The following PRDM2 variants were observed in gnomAD, a reference collection of about 807,000 sequenced individuals.
The protein encoded by PRDM2 is PR domain zinc finger protein 2.
A neutral mutation model predicts 130.0 loss-of-function variants in PRDM2; 30 were observed. That is an observed-to-expected ratio of 0.23 (90% CI 0.17 to 0.31). PRDM2 has a LOEUF of 0.31. Among genes scored for constraint, PRDM2 ranks in the 10% least tolerant of loss-of-function variants. The pLI is 1.00. For missense variants in PRDM2, 2,011 were observed against 2,108.4 expected (o/e 0.95, Z 0.90); for synonymous variants, 871 against 782.4 (o/e 1.11, Z -1.89).
intron 5 of PRDM2, among the ~76,000 whole-genome samples, chr1:13,742,796 G>A (rs2100510562): frequency 6.6e-6 from 1 of 152,314 alleles, no homozygotes; most frequent in East Asian, 1.9e-4. Context: ...CTATCAGTAG[G>A]TATGGTGGGT....
At position 13,753,082 on chromosome 1, in the gene PRDM2, A is replaced by G. The variant is rs75110467; in HGVS notation, c.511+3595A>G. 7.8e-3 allele frequency among the ~76,000 whole-genome samples: 1,193 copies of G among 152,314 alleles called. 13 individuals carry two copies. The highest frequency in any genetic ancestry group is 0.028 in the African/African-American group (1,149 of 41,554). ...GGAGCACCTGTGTAAGCCCAAAATA[A>G]GCACTGGGTCTCTTCTTTCCCTCTT... On this transcript the variant is annotated intron_variant, in intron 6 of 9. Coordinates refer to ENST00000311066, the MANE Select transcript of PRDM2 (RefSeq NM_001393986.1).
rs1264797818 is a variant in PRDM2 at position 13,804,664 on chromosome 1, GAC to G, written c.5037-11760_5037-11759del. The stretch of plus-strand genomic sequence containing the variant: ...AGGATCTAGACCAGTGGCCTGCAAA[GAC>G]ACCTTTTAAAATTCCCAATGCCTGG... On this transcript the variant is annotated intron_variant, in intron 8 of 9. Transcript: ENST00000311066. Among the ~76,000 whole-genome samples the G allele has an allele frequency of 6.6e-5, 10 of 152,292 alleles. No individual in the cohort carries two copies. In the East Asian group the frequency reaches 1.9e-3, roughly 29 times the overall value.
intron 2 of PRDM2, 22 bp from the exon 3 acceptor site, chr1:13,730,978 C>T (rs1267149199): frequency 2.0e-6 from 3 of 1,495,584 alleles, no homozygotes; most frequent in African/African-American, 2.9e-5. Context: ...TTGCTGTGAT[C>T]CTTCCATTTC....
chr1:13,794,362 C>T (rs905634319), intron 8 of PRDM2, among the ~76,000 whole-genome samples: 8 of 152,214 alleles, frequency 5.3e-5, no homozygotes, highest in East Asian at 1.9e-4. Flanking sequence ...TGTTTGTTTA[C>T]TCTATGTCTC....
chr1:13,713,414 T>C (rs1642432206), intron 1 of PRDM2, among the ~76,000 whole-genome samples: 2 of 152,140 alleles, frequency 1.3e-5, no homozygotes, highest in African/African-American at 4.8e-5. Flanking sequence ...CTCTTGTTAA[T>C]TGAGGATACC....
At chr1:13,716,590 G>A (rs1642549344) in intron 2 of PRDM2, among the ~76,000 whole-genome samples, 1 of 152,146 alleles carries the variant, frequency 6.6e-6, no homozygotes, top group South Asian at 2.1e-4. Flanking sequence ...AATGTAAGAT[G>A]TGTTTCTCTT....
chr1:13,705,904 C>T (rs2100381446), intron 1 of PRDM2, among the ~76,000 whole-genome samples: 1 of 150,704 alleles, frequency 6.6e-6, no homozygotes, highest in East Asian at 2.0e-4. Context: ...ATCGCTTGAA[C>T]CTGGGAGGCG....
chr1:13,744,850 A>G (rs763485134), intron 5 of PRDM2, among the ~76,000 whole-genome samples: 2 of 152,182 alleles, frequency 1.3e-5, no homozygotes, highest in Non-Finnish European at 2.9e-5. Flanking sequence ...ATCTAACTCT[A>G]TTCTTCTAGA....
At chr1:13,768,900 TATTCTC>T (rs1644294983) in intron 6 of PRDM2, 1 of 153,792 alleles carries the variant, frequency 6.5e-6, no homozygotes, top group African/African-American at 2.4e-5. Flanking sequence ...ACATTGGTCT[TATTCTC>T]AGCAACTAAG....
intron 8 of PRDM2, among the ~76,000 whole-genome samples, chr1:13,797,995 C>G (rs1644948410): frequency 6.6e-6 from 1 of 152,114 alleles, no homozygotes; most frequent in African/African-American, 2.4e-5. Context: ...AGAACACTTT[C>G]AATTATGTTT....
Position 13,780,164 on chromosome 1 carries a change from A to G in PRDM2, c.2369A>G (p.Asp790Gly). 6.2e-7 allele frequency: 1 copy of G among 1,602,260 alleles called. No individual in the cohort carries two copies. The highest frequency in any genetic ancestry group is 8.5e-7 in the Non-Finnish European group (1 of 1,173,442). Residue 790 changes from aspartate to glycine, a missense_variant, in exon 8 of 10, where the codon GAT (aspartate) becomes GGT (glycine). Physicochemically the swap from Asp to Gly is moderately conservative, Grantham distance 94. Around this residue, in one of 5 missense-constraint regions of PRDM2, gnomAD observed 1,288 missense variants for 1,237.7 expected, o/e 1.04. Coordinates refer to ENST00000311066, the MANE Select transcript of PRDM2 (RefSeq NM_001393986.1). Reference protein sequence around the residue: ...DSPAWSLSGRDERETVSPPCF... With the variant: ...DSPAWSLSGRGERETVSPPCF... ...CCAGCATGGAGTTTGTCTGGGAGAG[A>G]TGAGAGAGAAACTGTGAGCCCTCCA...
chr1:13,736,181 A>G (rs1256457311), intron 4 of PRDM2, among the ~76,000 whole-genome samples: 10 of 148,240 alleles, frequency 6.7e-5, no homozygotes, highest in Non-Finnish European at 5.9e-5. Flanking sequence ...TGGCATGTTC[A>G]CAGCTCATCC....
intron 6 of PRDM2, among the ~76,000 whole-genome samples, chr1:13,757,778 C>CT (rs34501705): frequency 0.03 from 3,187 of 105,834 alleles, 42 homozygotes; most frequent in African/African-American, 0.043. Context: ...AGGTGGATAG[C>CT]TTTTTTTTTT....
chr1:13,801,965 C>A (rs1193094361), intron 8 of PRDM2, among the ~76,000 whole-genome samples: 1 of 152,164 alleles, frequency 6.6e-6, no homozygotes, highest in African/African-American at 2.4e-5. Flanking sequence ...GGCCAGACAG[C>A]CAGGATCAGA....
At chr1:13,777,373 A>G (rs1419339786) in intron 7 of PRDM2, among the ~76,000 whole-genome samples, 1 of 151,892 alleles carries the variant, frequency 6.6e-6, no homozygotes, top group East Asian at 1.9e-4. Context: ...ATTCTCTTGA[A>G]TACAAGTCAG....
intron 6 of PRDM2, among the ~76,000 whole-genome samples, chr1:13,755,494 T>G (rs1263230196): frequency 6.6e-6 from 1 of 152,248 alleles, no homozygotes; most frequent in Non-Finnish European, 1.5e-5. Context: ...TTCTAAACTA[T>G]ATAAAAGAGG....
chr1:13,803,270 G>T lies in PRDM2; in HGVS notation c.5037-13157G>T, dbSNP rs1181505659. ...GCATGGACAGGCACATTTCAGGGTT[G>T]AACCGCACCAGGAGCCTGGCTTTGC... On this transcript the variant is annotated intron_variant, in intron 8 of 9. Coordinates refer to ENST00000311066, the MANE Select transcript of PRDM2 (RefSeq NM_001393986.1). This position sits in a 1 kb window ranked among gnomAD's most constrained non-coding sequence, Gnocchi z 6.2. 6.6e-6 allele frequency among the ~76,000 whole-genome samples: 1 copy of T among 152,224 alleles called. No homozygotes were observed. The highest frequency in any genetic ancestry group is 2.4e-5 in the African/African-American group (1 of 41,460).
chr1:13,776,121 T>G (rs543024605), intron 7 of PRDM2, among the ~76,000 whole-genome samples: 11 of 152,144 alleles, frequency 7.2e-5, no homozygotes, highest in Non-Finnish European at 1.5e-4. Context: ...CCACACTCAC[T>G]TCCATAAACA....
rs1057066607 is a variant in PRDM2 at position 13,816,355 on chromosome 1, GC to G, written c.5037-65del. 2.0e-5 allele frequency: 32 copies of G among 1,571,658 alleles called. 1 individual carries two copies. Among genetic ancestry groups the G allele is most frequent in the Admixed American group, 5.1e-5 (3 of 58,302 alleles). ...GGAAGTGGTGACCAGCACTAAGGAA[GC>G]CCCCCCAGCAATGTCTAGGGCACCG... is the stretch of plus-strand genomic sequence containing the variant. On this transcript the variant is annotated intron_variant, in intron 8 of 9. Coordinates refer to ENST00000311066, the MANE Select transcript of PRDM2 (RefSeq NM_001393986.1).
Sources: gnomAD v4.1 joint callset for allele counts (sites outside exome capture counted in the v4.1 genomes callset) on GRCh38, gnomAD v4.1.1 for gene constraint, gnomAD v4.1.1 regional missense constraint, Gnocchi (gnomAD v3.1) non-coding constraint, MANE v1.5 for transcripts, NCBI Gene and HGNC (gene_info 2026-07-23, HGNC 2026-07-21) for gene names.